RAB31: variants seen among roughly 807,000 people sequenced by gnomAD.
RAB31 encodes RAB31, member RAS oncogene family, also known as ras-related protein Rab-31.
In RAB31, 21 loss-of-function variants were observed where a neutral mutation model predicts 25.6. That is an observed-to-expected ratio of 0.82 (90% CI 0.58 to 1.18). RAB31 has a LOEUF of 1.18. RAB31 is among the 50% of genes most tolerant of loss of function. RAB31 has a pLI of 0.00. For missense variants in RAB31, 196 were observed against 250.1 expected (o/e 0.78, Z 1.46); for synonymous variants, 87 against 84.0 (o/e 1.04, Z -0.20).
intron 1 of RAB31, among the ~76,000 whole-genome samples, chr18:9,715,501 T>A (rs2068039660): frequency 6.6e-6 from 1 of 151,228 alleles, no homozygotes; most frequent in Non-Finnish European, 1.5e-5. Context: ...TAACATTTTG[T>A]CACTTGTCCT....
At chr18:9,825,538 A>C (rs543400457) in intron 5 of RAB31, among the ~76,000 whole-genome samples, 1 of 152,352 alleles carries the variant, frequency 6.6e-6, no homozygotes, top group South Asian at 2.1e-4. Flanking sequence ...AACCAGGTCC[A>C]GAGATTTTGA....
intron 1 of RAB31, among the ~76,000 whole-genome samples, chr18:9,713,473 A>T (rs2068028149): frequency 1.3e-5 from 2 of 152,304 alleles, no homozygotes; most frequent in South Asian, 4.1e-4. Flanking sequence ...CTATCTTCCC[A>T]GCAGTGCCTG....
chr18:9,768,754 G>A (rs1460531669), intron 1 of RAB31, among the ~76,000 whole-genome samples: 6 of 152,236 alleles, frequency 3.9e-5, no homozygotes, highest in Non-Finnish European at 8.8e-5. Flanking sequence ...TGGTATTTTA[G>A]TCATGAAGTC....
intron 1 of RAB31, among the ~76,000 whole-genome samples, chr18:9,753,344 G>A (rs1009694846): frequency 2.6e-5 from 4 of 152,146 alleles, no homozygotes; most frequent in Admixed American, 6.5e-5. Flanking sequence ...GGTTATCACA[G>A]GAGTGGCATT....
chr18:9,822,006 G>A (rs908315662), intron 5 of RAB31, among the ~76,000 whole-genome samples: 4 of 152,044 alleles, frequency 2.6e-5, no homozygotes, highest in East Asian at 1.9e-4. Flanking sequence ...TAGCTAAAAC[G>A]ATATTGACAA....
intron 5 of RAB31, among the ~76,000 whole-genome samples, chr18:9,836,815 G>C (rs1261186192): frequency 2.0e-5 from 3 of 152,048 alleles, no homozygotes; most frequent in African/African-American, 7.2e-5. Context: ...AACATGGGGA[G>C]ATTCAGTGTG....
intron 6 of RAB31, among the ~76,000 whole-genome samples, chr18:9,858,913 G>A (rs1331427696): frequency 6.6e-6 from 1 of 152,164 alleles, no homozygotes; most frequent in Non-Finnish European, 1.5e-5. Flanking sequence ...GCTGATGAGC[G>A]GAGGCTGGAT....
intron 2 of RAB31, 46 bp downstream of exon 2, chr18:9,775,403 G>A (rs995682813): frequency 1.7e-5 from 27 of 1,610,116 alleles, no homozygotes; most frequent in African/African-American, 2.7e-5. Context: ...TCCTTTCACG[G>A]CATCAGAATG....
intron 2 of RAB31, among the ~76,000 whole-genome samples, chr18:9,785,774 G>A (rs1223276379): frequency 1.3e-5 from 2 of 152,154 alleles, no homozygotes; most frequent in African/African-American, 4.8e-5. Flanking sequence ...AAGAATGCCT[G>A]TGTAGGTCGG....
intron 6 of RAB31, among the ~76,000 whole-genome samples, chr18:9,856,686 G>A (rs935225884): frequency 6.6e-6 from 1 of 152,106 alleles, no homozygotes; most frequent in Non-Finnish European, 1.5e-5. Flanking sequence ...TGGCTAACTA[G>A]GGCAACAGCT....
At chr18:9,827,197 G>A (rs187957291) in intron 5 of RAB31, among the ~76,000 whole-genome samples, 1 of 152,126 alleles carries the variant, frequency 6.6e-6, no homozygotes, top group African/African-American at 2.4e-5. Flanking sequence ...TGCTTTTCAA[G>A]CTCAGGGGTC....
chr18:9,796,660 T>C (rs8092013), intron 3 of RAB31, among the ~76,000 whole-genome samples: 131,514 of 152,114 alleles, frequency 0.86, 57,390 homozygotes, highest in South Asian at 0.95. Context: ...ATTTTTTAGC[T>C]ATTTCATTTC....
At chr18:9,736,600 G>C (rs2068152345) in intron 1 of RAB31, among the ~76,000 whole-genome samples, 1 of 152,136 alleles carries the variant, frequency 6.6e-6, no homozygotes, top group Admixed American at 6.5e-5. Flanking sequence ...CAGAATAATG[G>C]CATTCCTCTT....
intron 2 of RAB31, among the ~76,000 whole-genome samples, chr18:9,788,919 G>A (rs2068446548): frequency 6.6e-6 from 1 of 152,208 alleles, no homozygotes; most frequent in Non-Finnish European, 1.5e-5. Flanking sequence ...GCAGTGAGCT[G>A]AGACTGTGCC....
intron 6 of RAB31, among the ~76,000 whole-genome samples, chr18:9,848,235 CATCTGTCCACTTGGCTGTCT>C (rs1239183789): frequency 6.6e-6 from 1 of 151,994 alleles, no homozygotes; most frequent in Non-Finnish European, 1.5e-5. Context: ...TCTGTCTGTC[CATCTGTCCACTTGGCTGTCT>C]ATCTGTCCAT....
intron 5 of RAB31, among the ~76,000 whole-genome samples, chr18:9,827,245 G>GTCCACGAA (rs2068654373): frequency 6.6e-6 from 1 of 151,962 alleles, no homozygotes; most frequent in South Asian, 2.1e-4. Context: ...CCTCTCACTG[G>GTCCACGAA]TGTATTTAGG....
intron 2 of RAB31, among the ~76,000 whole-genome samples, chr18:9,786,345 G>A (rs1263525386): frequency 2.0e-5 from 3 of 152,222 alleles, no homozygotes; most frequent in African/African-American, 7.2e-5. Flanking sequence ...TCATCTGTAT[G>A]CTTTGCAGTA....
intron 5 of RAB31, among the ~76,000 whole-genome samples, chr18:9,822,005 C>A (rs995258706): frequency 6.6e-6 from 1 of 151,984 alleles, no homozygotes; most frequent in African/African-American, 2.4e-5. Context: ...ATAGCTAAAA[C>A]GATATTGACA....
chr18:9,786,708 G>C (rs1055750396), intron 2 of RAB31: 1 of 152,056 alleles, frequency 6.6e-6, no homozygotes, highest in East Asian at 1.9e-4. Context: ...GAAAAACATG[G>C]TTCTAGAGAG....
Sources: allele counts gnomAD v4.1 joint callset (sites outside exome capture counted in the v4.1 genomes callset), GRCh38; gene constraint gnomAD v4.1.1; transcripts MANE v1.5; gene names NCBI Gene and HGNC (gene_info 2026-07-23, HGNC 2026-07-21).